PCDHA1: variants seen among roughly 807,000 people sequenced by gnomAD.
PCDHA1 encodes protocadherin alpha-1.
A neutral mutation model predicts 61.3 loss-of-function variants in PCDHA1; 42 were observed. That is an observed-to-expected ratio of 0.69 (90% CI 0.54 to 0.89). PCDHA1 has a LOEUF of 0.89. Among genes scored for constraint, PCDHA1 ranks in the 40% least tolerant of loss-of-function variants. The pLI is 0.00. For missense variants in PCDHA1, 1,256 were observed against 1,235.3 expected, an observed-to-expected ratio of 1.02 and a Z score of -0.25; for synonymous variants, 610 against 553.8, an observed-to-expected ratio of 1.10 and a Z score of -1.43.
At position 141,010,550 on chromosome 5, in the gene PCDHA1, ACCCC is replaced by A; in HGVS notation, c.*615_*618del. 6.3e-6 allele frequency: 2 copies of A among 316,712 alleles called. No homozygotes were observed. Among genetic ancestry groups the A allele is most frequent in the South Asian group, 1.1e-4 (2 of 17,516 alleles). The allele number at this position is 316,712 out of a possible 1,614,324, so 19.6% of individuals were successfully genotyped here. A position where few individuals can be genotyped will look rare whatever the true frequency, so the allele number is the denominator to read the frequency against. On this transcript the variant is annotated 3_prime_UTR_variant, in exon 4 of 4. Coordinates refer to ENST00000504120, the MANE Select transcript of PCDHA1 (RefSeq NM_018900.4). ...CAGCCACCCTCTAGGAGACAAAACT[ACCCC>A]CACTGACAAGGCTTTAGGAGACCCT...
chr5:140,848,750 T>C, intron 1 of PCDHA1: 1 of 1,593,288 alleles, frequency 6.3e-7, no homozygotes. Context: ...GCATTTTGTT[T>C]GTGAATTCTC....
intron 1 of PCDHA1, chr5:140,808,816 A>G (rs2879086): frequency 0.54 from 868,261 of 1,612,650 alleles, 235,441 homozygotes; most frequent in African/African-American, 0.7. Context: ...CCGGCGTGCC[A>G]CCTCTGGGCA....
intron 1 of PCDHA1, chr5:140,850,791 A>G: frequency 1.3e-6 from 2 of 1,598,378 alleles, no homozygotes; most frequent in African/African-American, 2.7e-5. Context: ...GGGTAAGCAG[A>G]AGACCGACCT....
At chr5:140,888,321 A>G (rs2061786627) in intron 1 of PCDHA1, among the ~76,000 whole-genome samples, 1 of 152,176 alleles carries the variant, frequency 6.6e-6, no homozygotes, top group Non-Finnish European at 1.5e-5. Flanking sequence ...ATGCCTGGAT[A>G]CATTTTTGGT....
chr5:140,823,870 C>T, intron 1 of PCDHA1: 5 of 1,613,918 alleles, frequency 3.1e-6, no homozygotes, highest in Non-Finnish European at 3.4e-6. Flanking sequence ...CAACGTGTAC[C>T]TGATCATCGC....
At chr5:140,828,560 G>A (rs2150156766) in intron 1 of PCDHA1, 3 of 1,614,092 alleles carry the variant, frequency 1.9e-6, no homozygotes, top group African/African-American at 1.3e-5. Flanking sequence ...ACTGGAGGGC[G>A]CGTCCGATGC....
In PCDHA1 at chr5:140,797,156, C is replaced by G. The variant is rs782070675; in HGVS notation, c.2394+8472C>G. On this transcript the variant is annotated intron_variant, in intron 1 of 3. Coordinates refer to ENST00000504120, the MANE Select transcript of PCDHA1 (RefSeq NM_018900.4). ...TGCTCGGTGCCACCCACCGAGGGTG[C>G]GCGCGCGCCAGGAAAGCCCACGCTG... The G allele has an allele frequency of 6.2e-6, 10 of 1,613,954 alleles. No homozygotes were observed. The South Asian group carries it at 9.9e-5, about 16-fold the overall frequency.
chr5:140,892,304 G>A (rs1301333753), intron 1 of PCDHA1, among the ~76,000 whole-genome samples: 1 of 152,004 alleles, frequency 6.6e-6, no homozygotes, highest in East Asian at 1.9e-4. Context: ...AAATAATTTG[G>A]GGCTTATAAC....
At chr5:140,850,719 T>C in intron 1 of PCDHA1, 1 of 1,597,696 alleles carries the variant, frequency 6.3e-7, no homozygotes, top group Non-Finnish European at 8.6e-7. Flanking sequence ...GCTGGTGTGT[T>C]CTAGCGCGGT....
intron 1 of PCDHA1, among the ~76,000 whole-genome samples, chr5:140,846,137 A>G (rs1253647422): frequency 1.3e-5 from 2 of 149,716 alleles, no homozygotes; most frequent in Non-Finnish European, 3.0e-5. Flanking sequence ...TATGTTTCCC[A>G]TATTTAAAAG....
At chr5:140,949,264 G>T (rs139292588) in intron 1 of PCDHA1, among the ~76,000 whole-genome samples, 2 of 151,666 alleles carry the variant, frequency 1.3e-5, no homozygotes, top group African/African-American at 2.4e-5. Flanking sequence ...AACATATCAC[G>T]TGCACTTGAA....
chr5:140,877,242 G>A, intron 1 of PCDHA1: 1 of 1,613,732 alleles, frequency 6.2e-7, no homozygotes, highest in Non-Finnish European at 8.5e-7. Flanking sequence ...CGGGCCACGT[G>A]GTGGCGAAAG....
At chr5:140,801,607 T>TA (rs782532041) in intron 1 of PCDHA1, 4 of 1,614,194 alleles carry the variant, frequency 2.5e-6, no homozygotes, top group African/African-American at 1.3e-5. Flanking sequence ...CCAATGGCTG[T>TA]AAAGAATCTG....
At chr5:140,850,542 T>G (rs1554144492) in intron 1 of PCDHA1, 1 of 1,597,608 alleles carries the variant, frequency 6.3e-7, no homozygotes, top group Non-Finnish European at 8.6e-7. Flanking sequence ...GTCGCGGGCG[T>G]CAGTGGGTGC....
rs781846496 is a variant in PCDHA1, at chr5:140,795,563, T to C, written c.2394+6879T>C. On this transcript the variant is annotated intron_variant, in intron 1 of 3. Transcript: ENST00000504120. ...TTGTCTCTCGTGCTGGGGAAATCGCTGGACAGAGAGGAAACTGCTGAGGTT... is the reference window on the plus strand; with the variant it reads ...TTGTCTCTCGTGCTGGGGAAATCGCCGGACAGAGAGGAAACTGCTGAGGTT... 3.7e-6 allele frequency: 6 copies of C among 1,614,050 alleles called. No homozygotes were observed. In the African/African-American group the frequency reaches 8.0e-5, roughly 22 times the overall value.
chr5:140,935,379 C>T (rs2090338823), intron 1 of PCDHA1, among the ~76,000 whole-genome samples: 1 of 152,196 alleles, frequency 6.6e-6, no homozygotes, highest in African/African-American at 2.4e-5. Context: ...CAGAATTACT[C>T]ATTTGTTATC....
rs1299003245 is a variant in PCDHA1, at chr5:140,846,734, T to A, written c.2394+58050T>A. Among the ~76,000 whole-genome samples, 2 of 149,288 alleles carry A rather than the reference T, an allele frequency of 1.3e-5. 1 individual carries two copies. The highest frequency in any genetic ancestry group is 3.0e-5 in the Non-Finnish European group (2 of 66,808). On this transcript the variant is annotated intron_variant, in intron 1 of 3. Transcript: ENST00000504120. ...TAACCAGTCTTCATTAAACATTAAA[T>A]AGGACCCTTACAGATCTCTAACAGC...
intron 1 of PCDHA1, among the ~76,000 whole-genome samples, chr5:140,905,993 TG>T (rs1314051308): frequency 6.6e-6 from 1 of 152,176 alleles, no homozygotes; most frequent in African/African-American, 2.4e-5. Flanking sequence ...AGATGTAGGC[TG>T]GGAGGCTAAG....
chr5:140,857,674 G>A lies in PCDHA1; in HGVS notation c.2394+68990G>A, dbSNP rs1581464423. 2.5e-6 allele frequency: 4 copies of A among 1,596,892 alleles called. No individual in the cohort carries two copies. In the East Asian group the frequency reaches 6.7e-5, roughly 27 times the overall value. ...TGAGCGCGCGCGATGGGGGCGTGCC[G>A]CCTCTGGGCAGCAACTTGACGCTGC... On this transcript the variant is annotated intron_variant, in intron 1 of 3. Coordinates refer to ENST00000504120, the MANE Select transcript of PCDHA1 (RefSeq NM_018900.4).
Sources: gnomAD v4.1 joint callset for allele counts (sites outside exome capture counted in the v4.1 genomes callset) on GRCh38, gnomAD v4.1.1 for gene constraint, MANE v1.5 for transcripts, NCBI Gene and HGNC (gene_info 2026-07-23, HGNC 2026-07-21) for gene names.